The following CDK7 variants were observed in gnomAD, a reference collection of about 807,000 sequenced individuals.
CDK7 encodes cyclin-dependent kinase 7.
In CDK7, 25 loss-of-function variants were observed where a neutral mutation model predicts 49.1. That is an observed-to-expected ratio of 0.51 (90% CI 0.37 to 0.71). The LOEUF is 0.71. Ranked by LOEUF, CDK7 falls within the 30% of genes least tolerant of loss-of-function variation. The pLI is 0.00. For synonymous variants in CDK7, 107 were observed against 140.0 expected (o/e 0.76, Z 1.67); for missense variants, 316 against 411.7 (o/e 0.77, Z 2.01).
chr5:69,262,411 G>T (rs1275496181), intron 8 of CDK7, 107 bp downstream of exon 8: 2 of 1,465,752 alleles, frequency 1.4e-6, no homozygotes, highest in African/African-American at 1.4e-5. Context: ...GCTCACGCCT[G>T]TAATCCCAGC....
intron 2 of CDK7, among the ~76,000 whole-genome samples, chr5:69,245,136 T>C (rs1300742457): frequency 6.6e-6 from 1 of 152,146 alleles, no homozygotes; most frequent in Non-Finnish European, 1.5e-5. Context: ...CCTGTAGTTT[T>C]CTTACTTTGA....
rs35645434 is a variant in CDK7 at position 69,262,668 on chromosome 5, C to CAA, written c.627+378_627+379dup. Among the ~76,000 whole-genome samples the CAA allele has an allele frequency of 1.2e-3, 139 of 113,450 alleles. 1 individual carries two copies. Among genetic ancestry groups the CAA allele is most frequent in the Middle Eastern group, 9.1e-3 (2 of 220 alleles). The allele number at this position is 113,450 out of a possible 152,430, so 74.4% of individuals were successfully genotyped here. The stretch of plus-strand genomic sequence containing the variant: ...TGGGCAACAGAGCAAGGCTCCATCT[C>CAA]AAAAAAAAAAAAAAAGAAAAAGAAA... On this transcript the variant is annotated intron_variant, in intron 8 of 11. Transcript: ENST00000256443.
upstream of CDK7, chr5:69,234,842 G>A: frequency 1.1e-6 from 1 of 872,790 alleles, no homozygotes; most frequent in East Asian, 2.7e-5. Context: ...GCCCACCACG[G>A]AAGTGAGGCG....
At chr5:69,259,689 A>C (rs1435027047) in intron 6 of CDK7, 129 bp from the exon 7 acceptor site, 2 of 651,406 alleles carry the variant, frequency 3.1e-6, no homozygotes, top group Non-Finnish European at 5.4e-6. Context: ...CAGTGGGAAA[A>C]AAATTGATTG....
At chr5:69,245,005 AAC>A (rs1749643632) in intron 2 of CDK7, among the ~76,000 whole-genome samples, 1 of 152,184 alleles carries the variant, frequency 6.6e-6, no homozygotes, top group Non-Finnish European at 1.5e-5. Context: ...GCATATGTTG[AAC>A]CATCCTTGCA....
Position 69,245,267 on chromosome 5 carries a change from C to T in CDK7, c.127-7151C>T, listed in dbSNP as rs558823297. On this transcript the variant is annotated intron_variant, in intron 2 of 11. Coordinates refer to ENST00000256443, the MANE Select transcript of CDK7 (RefSeq NM_001799.4). ...AGTATTGGTATTAGCCCCCTCCCCT[C>T]CCCCGTCCTCCCTCCTTTTCCCCTC... is the stretch of plus-strand genomic sequence containing the variant. 3.3e-4 allele frequency among the ~76,000 whole-genome samples: 40 copies of T among 121,552 alleles called. No individual in the cohort carries two copies. The South Asian group carries it at 0.012, about 37-fold the overall frequency. 79.7% of individuals were successfully genotyped at this position (121,552 alleles called of 152,430 possible).
At chr5:69,238,377 T>TG (rs1749144164) in intron 2 of CDK7, among the ~76,000 whole-genome samples, 1 of 151,404 alleles carries the variant, frequency 6.6e-6, no homozygotes, top group Non-Finnish European at 1.5e-5. Context: ...CTTGACCTCC[T>TG]GGTCTCAAGC....
intron 2 of CDK7, 34 bp from the exon 3 acceptor site, chr5:69,252,384 T>G: frequency 7.6e-7 from 1 of 1,310,482 alleles, no homozygotes; most frequent in Non-Finnish European, 1.1e-6. Context: ...TAACACATTT[T>G]TAATATATTT....
At chr5:69,269,840 C>T (rs545943187) in intron 9 of CDK7, among the ~76,000 whole-genome samples, 1 of 151,424 alleles carries the variant, frequency 6.6e-6, no homozygotes, top group African/African-American at 2.4e-5. Context: ...GCCTCAGCCT[C>T]CCAAAGTGCT....
At chr5:69,260,106 T>G (rs1750722198) in intron 7 of CDK7, among the ~76,000 whole-genome samples, 170 bp downstream of exon 7, 1 of 152,214 alleles carries the variant, frequency 6.6e-6, no homozygotes, top group Non-Finnish European at 1.5e-5. Flanking sequence ...CCCAGCACTT[T>G]GGGAGGCCAA....
chr5:69,250,467 A>G (rs1750065156), intron 2 of CDK7, among the ~76,000 whole-genome samples: 1 of 152,174 alleles, frequency 6.6e-6, no homozygotes, highest in South Asian at 2.1e-4. Context: ...CCACAGGCCC[A>G]TGAAGAGGGG....
intron 6 of CDK7, among the ~76,000 whole-genome samples, chr5:69,259,415 T>C (rs1474323142): frequency 6.6e-6 from 1 of 152,150 alleles, no homozygotes. Context: ...CTGATGTCTT[T>C]TTAGCATGGA....
rs368299348 is a variant in CDK7 at position 69,259,947 on chromosome 5, C to G, written c.527+11C>G. ...TCAGGTTGTAACCAGGTAAGAATCT[C>G]TTAAAGCTACATGTGCAGGAGTTTG... On this transcript the variant is annotated intron_variant, in intron 7 of 11. Coordinates refer to ENST00000256443, the MANE Select transcript of CDK7 (RefSeq NM_001799.4). The G allele has an allele frequency of 6.1e-6, 9 of 1,484,854 alleles. No individual in the cohort carries two copies. Among genetic ancestry groups the G allele is most frequent in the Non-Finnish European group, 8.5e-6 (9 of 1,063,088 alleles). 92.0% of individuals were successfully genotyped at this position (1,484,854 alleles called of 1,614,324 possible).
At chr5:69,269,423 T>C in intron 9 of CDK7, 130 bp downstream of exon 9, 1 of 565,950 alleles carries the variant, frequency 1.8e-6, no homozygotes, top group Middle Eastern at 3.2e-4. Context: ...CAGAACACTT[T>C]AAATGATAAA....
intron 2 of CDK7, among the ~76,000 whole-genome samples, chr5:69,241,314 CTTT>C (rs747725798): frequency 2.8e-5 from 1 of 35,190 alleles, no homozygotes; most frequent in Non-Finnish European, 5.0e-5. Context: ...TAGGTTTTTT[CTTT>C]TTTTTTTTTT....
In CDK7 at chr5:69,277,186, A is replaced by C; in HGVS notation, c.*51A>C. On this transcript the variant is annotated 3_prime_UTR_variant, in exon 12 of 12. Transcript: ENST00000256443. ...ACTGAGGGAAATAGCCAAAAAGGCA[A>C]ATAATGGAAAAATAGTAAACATTAA... 7.3e-7 allele frequency: 1 copy of C among 1,368,146 alleles called. No individual in the cohort carries two copies. The highest frequency in any genetic ancestry group is 1.5e-5 in the African/African-American group (1 of 68,808). 84.8% of individuals were successfully genotyped at this position (1,368,146 alleles called of 1,614,324 possible). A position where few individuals can be genotyped will look rare whatever the true frequency, so the allele number is the denominator to read the frequency against.
chr5:69,275,869 A>C (rs1717177842), intron 10 of CDK7, among the ~76,000 whole-genome samples: 3 of 152,144 alleles, frequency 2.0e-5, no homozygotes, highest in Admixed American at 2.0e-4. Flanking sequence ...ATGAAACATA[A>C]GTTTCATTTT....
intron 2 of CDK7, among the ~76,000 whole-genome samples, chr5:69,238,542 C>T (rs1221639208): frequency 6.6e-6 from 1 of 152,042 alleles, no homozygotes; most frequent in East Asian, 1.9e-4. Context: ...CCACCTTAGC[C>T]TCCCAAAGTG....
chr5:69,265,777 T>A (rs1443129877), intron 8 of CDK7, among the ~76,000 whole-genome samples: 1 of 151,940 alleles, frequency 6.6e-6, no homozygotes, highest in Non-Finnish European at 1.5e-5. Flanking sequence ...GGGCATGGTA[T>A]TGAGTGCGTG....
Sources: allele counts gnomAD v4.1 joint callset (sites outside exome capture counted in the v4.1 genomes callset), GRCh38; gene constraint gnomAD v4.1.1; transcripts MANE v1.5; gene names NCBI Gene and HGNC (gene_info 2026-07-23, HGNC 2026-07-21).